Variants in SLC17A8 observed in about 807,000 individuals in gnomAD.
The protein encoded by SLC17A8 is vesicular glutamate transporter 3.
A neutral mutation model predicts 58.0 loss-of-function variants in SLC17A8; 31 were observed. That is an observed-to-expected ratio of 0.53 (90% CI 0.40 to 0.72). SLC17A8 has a LOEUF of 0.72. Ranked by LOEUF, SLC17A8 falls within the 30% of genes least tolerant of loss-of-function variation. The pLI is 0.00. For missense variants in SLC17A8, 655 were observed against 727.8 expected (o/e 0.90, Z 1.15); for synonymous variants, 228 against 249.0 (o/e 0.92, Z 0.79).
At chr12:100,365,899 C>G (rs1952517184) in intron 1 of SLC17A8, among the ~76,000 whole-genome samples, 1 of 152,026 alleles carries the variant, frequency 6.6e-6, no homozygotes, top group African/African-American at 2.4e-5. Flanking sequence ...GAGAACAATC[C>G]ACGGATATAT....
chr12:100,378,235 C>T (rs1276484874), intron 1 of SLC17A8, among the ~76,000 whole-genome samples: 2 of 152,062 alleles, frequency 1.3e-5, no homozygotes, highest in Non-Finnish European at 2.9e-5. Context: ...AGGAGGATGA[C>T]CAAGTGTTTT....
intron 8 of SLC17A8, 45 bp from the exon 9 acceptor site, chr12:100,403,989 CCTCT>C (rs1952809034): frequency 1.2e-6 from 2 of 1,612,026 alleles, no homozygotes; most frequent in Non-Finnish European, 8.5e-7. Flanking sequence ...TAGGGAGGCC[CCTCT>C]CTCAGAAATA....
chr12:100,362,752 AAAG>A (rs1952492805), intron 1 of SLC17A8, among the ~76,000 whole-genome samples: 2 of 152,246 alleles, frequency 1.3e-5, no homozygotes, highest in African/African-American at 4.8e-5. Context: ...GGAGCCTTCC[AAAG>A]AAGAGTTATT....
intron 2 of SLC17A8, among the ~76,000 whole-genome samples, chr12:100,386,973 G>A (rs1952679897): frequency 6.6e-6 from 1 of 152,194 alleles, no homozygotes; most frequent in Non-Finnish European, 1.5e-5. Flanking sequence ...ACAGGCATGA[G>A]CCACTGCGCC....
intron 8 of SLC17A8, 74 bp from the exon 9 acceptor site, chr12:100,403,964 G>T: frequency 6.4e-7 from 1 of 1,572,444 alleles, no homozygotes; most frequent in South Asian, 1.1e-5. Flanking sequence ...GTGGAGTGGA[G>T]GTGGGCAAGG....
intron 10 of SLC17A8, among the ~76,000 whole-genome samples, chr12:100,417,252 T>C (rs777705205): frequency 4.1e-4 from 63 of 152,188 alleles, no homozygotes; most frequent in Non-Finnish European, 6.3e-4. Context: ...GGGAGTTACT[T>C]TGCAATGGCA....
Position 100,419,958 on chromosome 12 carries a change from T to C in SLC17A8, c.1569T>C (p.Ile523=), listed in dbSNP as rs1156963058. ...ENLSEEKCGI[I]DQDELAEEIE... The stretch of plus-strand genomic sequence containing the variant: ...TCTCTGAGGAGAAATGTGGAATCAT[T>C]GACCAGGACGAATTAGCTGAGGAGA... The change falls in exon 12 of 12, where the codon ATT becomes ATC. Residue 523 remains isoleucine (I), a synonymous_variant. Transcript: ENST00000323346. The C allele has an allele frequency of 1.2e-6, 2 of 1,614,050 alleles. No individual in the cohort carries two copies. Among genetic ancestry groups the C allele is most frequent in the African/African-American group, 1.3e-5 (1 of 74,914 alleles).
chr12:100,377,344 C>G (rs920117286), intron 1 of SLC17A8, among the ~76,000 whole-genome samples: 2 of 151,832 alleles, frequency 1.3e-5, no homozygotes, highest in African/African-American at 4.8e-5. Context: ...TCTAAATTAC[C>G]TAAGTTTGAT....
At chr12:100,398,791 T>C (rs942549295) in intron 5 of SLC17A8, among the ~76,000 whole-genome samples, 31 of 152,310 alleles carry the variant, frequency 2.0e-4, no homozygotes, top group African/African-American at 6.5e-4. Flanking sequence ...CTGGTGGGAA[T>C]TGATTGAATC....
intron 5 of SLC17A8, among the ~76,000 whole-genome samples, chr12:100,398,973 C>T (rs550548684): frequency 2.6e-5 from 4 of 152,096 alleles, no homozygotes; most frequent in Non-Finnish European, 5.9e-5. Context: ...AGGCCTCCCC[C>T]GCCACGTGGA....
chr12:100,392,423 A>G (rs941240303), intron 3 of SLC17A8, among the ~76,000 whole-genome samples: 2 of 152,178 alleles, frequency 1.3e-5, no homozygotes, highest in African/African-American at 4.8e-5. Context: ...TGCAATATAA[A>G]ATATATTTTG....
At chr12:100,390,928 T>C in intron 2 of SLC17A8, 73 bp from the exon 3 acceptor site, 1 of 947,712 alleles carries the variant, frequency 1.1e-6, no homozygotes, top group East Asian at 2.4e-5. Flanking sequence ...AATTATTGTG[T>C]AGGCTCATTG....
chr12:100,377,613 C>T (rs1415455053), intron 1 of SLC17A8, among the ~76,000 whole-genome samples: 16 of 111,996 alleles, frequency 1.4e-4, no homozygotes, highest in Middle Eastern at 8.3e-3. Flanking sequence ...TTTTTTGAGA[C>T]GGAGTCTCAC....
rs10860582 is a variant in SLC17A8 at position 100,357,174 on chromosome 12, T to C, written c.-218T>C. The C allele has an allele frequency of 0.17, 88,801 of 511,460 alleles. 8,736 individuals carry two copies. Among genetic ancestry groups the C allele is most frequent in the Non-Finnish European group, 0.21 (57,941 of 282,132 alleles). The allele number at this position is 511,460 out of a possible 1,614,324, so 31.7% of individuals were successfully genotyped here. A position where few individuals can be genotyped will look rare whatever the true frequency, so the allele number is the denominator to read the frequency against. On this transcript the variant is annotated 5_prime_UTR_variant, in exon 1 of 12. Transcript: ENST00000323346. Reference sequence around the variant, plus strand: ...CCAGCCAGACACCCCTTGGACTCTTTTTTGGAGGGGTGGGGAGCAGAGAGA... The same window carrying C: ...CCAGCCAGACACCCCTTGGACTCTTCTTTGGAGGGGTGGGGAGCAGAGAGA...
chr12:100,359,692 C>A (rs1952472208), intron 1 of SLC17A8, among the ~76,000 whole-genome samples: 1 of 152,138 alleles, frequency 6.6e-6, no homozygotes, highest in South Asian at 2.1e-4. Context: ...CCAAGTTGAT[C>A]CTCAGTTCTA....
At chr12:100,370,379 C>G (rs932357728) in intron 1 of SLC17A8, among the ~76,000 whole-genome samples, 1 of 144,148 alleles carries the variant, frequency 6.9e-6, no homozygotes, top group Non-Finnish European at 1.6e-5. Context: ...CTCACTACAA[C>G]CTCTGCCTCC....
intron 1 of SLC17A8, 58 bp from the exon 2 acceptor site, chr12:100,380,643 A>T: frequency 6.2e-7 from 1 of 1,607,152 alleles, no homozygotes; most frequent in South Asian, 1.1e-5. Flanking sequence ...TGCTTAGTAT[A>T]CTTTCTTTTT....
At chr12:100,387,356 T>C (rs934484080) in intron 2 of SLC17A8, among the ~76,000 whole-genome samples, 1 of 152,214 alleles carries the variant, frequency 6.6e-6, no homozygotes, top group Non-Finnish European at 1.5e-5. Context: ...GTTAGTGACA[T>C]TGACCGCCTC....
intron 9 of SLC17A8, among the ~76,000 whole-genome samples, chr12:100,407,006 A>G (rs1952830716): frequency 6.6e-6 from 1 of 152,204 alleles, no homozygotes; most frequent in African/African-American, 2.4e-5. Context: ...CTCAGAGCCA[A>G]CAGTTCTCAT....
Sources: gnomAD v4.1 joint callset for allele counts (sites outside exome capture counted in the v4.1 genomes callset) on GRCh38, gnomAD v4.1.1 for gene constraint, MANE v1.5 for transcripts, NCBI Gene and HGNC (gene_info 2026-07-23, HGNC 2026-07-21) for gene names.